Variants in RBFOX1 observed in about 807,000 individuals in gnomAD.
RBFOX1 encodes the protein RNA binding fox-1 homolog 1.
RBFOX1 carries 8 observed loss-of-function variants against 57.7 expected under a neutral mutation model. The ratio of observed to expected loss-of-function variants is 0.14; its 90% CI spans 0.08 to 0.25. RBFOX1 has a LOEUF of 0.25. Among genes scored for constraint, RBFOX1 ranks in the 10% least tolerant of loss-of-function variants. The pLI is 1.00. For missense variants in RBFOX1, 611 were observed against 548.5 expected, an observed-to-expected ratio of 1.11 and a Z score of -1.14; for synonymous variants, 326 against 222.4, an observed-to-expected ratio of 1.47 and a Z score of -4.15.
At chr16:7,476,398 T>C (rs1282737061) in intron 4 of RBFOX1, among the ~76,000 whole-genome samples, 1 of 152,224 alleles carries the variant, frequency 6.6e-6, no homozygotes, top group African/African-American at 2.4e-5. Flanking sequence ...TGAGATGATA[T>C]CTATATAACA....
At chr16:5,421,654 C>G (rs1052715052) in intron 1 of RBFOX1, among the ~76,000 whole-genome samples, 1 of 152,204 alleles carries the variant, frequency 6.6e-6, no homozygotes, top group Non-Finnish European at 1.5e-5. Flanking sequence ...GCTCCAGAGC[C>G]AGGCTTATTT....
At chr16:6,931,472 C>A (rs138745010) in intron 3 of RBFOX1, among the ~76,000 whole-genome samples, 1 of 152,062 alleles carries the variant, frequency 6.6e-6, no homozygotes, top group African/African-American at 2.4e-5. Context: ...AGGGTATAAT[C>A]CCAGAAGTAG....
At chr16:5,928,176 C>T (rs1324111306) in intron 4 of RBFOX1, among the ~76,000 whole-genome samples, 2 of 152,074 alleles carry the variant, frequency 1.3e-5, no homozygotes, top group African/African-American at 4.8e-5. Context: ...TCACTGTAGC[C>T]TTGATCTCCT....
intron 4 of RBFOX1, among the ~76,000 whole-genome samples, chr16:7,356,873 C>T (rs1309414610): frequency 1.3e-5 from 2 of 152,138 alleles, no homozygotes; most frequent in Admixed American, 1.3e-4. Flanking sequence ...ATCTGGGTCA[C>T]AGCTTATAAC....
At chr16:6,183,267 T>G (rs1371608910) in intron 1 of RBFOX1, among the ~76,000 whole-genome samples, 2 of 151,592 alleles carry the variant, frequency 1.3e-5, no homozygotes, top group Non-Finnish European at 2.9e-5. Context: ...GATCAGGAGG[T>G]CAGGAGATCG....
intron 13 of RBFOX1, among the ~76,000 whole-genome samples, chr16:7,671,333 A>C (rs766406277): frequency 3.2e-4 from 48 of 152,164 alleles, no homozygotes; most frequent in Admixed American, 8.5e-4. Context: ...AAGTGGTTTG[A>C]TCCCCATCTC....
At chr16:7,096,124 C>T (rs1406486167) in intron 4 of RBFOX1, among the ~76,000 whole-genome samples, 2 of 152,066 alleles carry the variant, frequency 1.3e-5, no homozygotes, top group African/African-American at 2.4e-5. Context: ...GATATGATCC[C>T]AATCTTCATA....
chr16:5,327,685 G>A (rs1252388309), intron 1 of RBFOX1, among the ~76,000 whole-genome samples: 1 of 152,276 alleles, frequency 6.6e-6, no homozygotes, highest in East Asian at 1.9e-4. Context: ...GAATGTAGCA[G>A]CATCCCCCTC....
chr16:5,263,500 T>G (rs185925460), intron 1 of RBFOX1, among the ~76,000 whole-genome samples: 2 of 152,232 alleles, frequency 1.3e-5, no homozygotes, highest in African/African-American at 4.8e-5. Context: ...TTAAGTATGA[T>G]TATGTGTTAA....
intron 3 of RBFOX1, among the ~76,000 whole-genome samples, chr16:5,690,488 G>A (rs145911639): frequency 2.6e-5 from 4 of 152,186 alleles, no homozygotes; most frequent in Non-Finnish European, 5.9e-5. Flanking sequence ...TGCCCGTAAC[G>A]CTCTTGGCAT....
intron 3 of RBFOX1, among the ~76,000 whole-genome samples, chr16:6,931,295 GTCTA>G (rs1161231181): frequency 0.049 from 6,649 of 136,156 alleles, 191 homozygotes; most frequent in African/African-American, 0.071. Flanking sequence ...CTGTCTGTCT[GTCTA>G]TCTATCTATC....
At chr16:5,757,234 T>C (rs1419891847) in intron 3 of RBFOX1, among the ~76,000 whole-genome samples, 1 of 147,962 alleles carries the variant, frequency 6.8e-6, no homozygotes, top group African/African-American at 2.5e-5. Context: ...TTTTTGTGTT[T>C]TTTTTTTTTT....
At chr16:6,250,642 T>G (rs1173802150) in intron 1 of RBFOX1, among the ~76,000 whole-genome samples, 1 of 152,282 alleles carries the variant, frequency 6.6e-6, no homozygotes, top group East Asian at 1.9e-4. Flanking sequence ...GGGTCATCCC[T>G]GTTTAGATTG....
chr16:6,579,878 C>G (rs879762578), intron 2 of RBFOX1, among the ~76,000 whole-genome samples: 2 of 152,140 alleles, frequency 1.3e-5, no homozygotes, highest in Non-Finnish European at 2.9e-5. Flanking sequence ...GAGCCACTGC[C>G]GCCAGCCTTC....
At chr16:6,324,791 T>C (rs2082190372) in intron 2 of RBFOX1, among the ~76,000 whole-genome samples, 1 of 152,070 alleles carries the variant, frequency 6.6e-6, no homozygotes, top group African/African-American at 2.4e-5. Context: ...GCAAATGAGA[T>C]ATAGAAACTA....
chr16:6,419,094 A>G (rs2093704844), intron 2 of RBFOX1, among the ~76,000 whole-genome samples: 1 of 152,216 alleles, frequency 6.6e-6, no homozygotes, highest in Admixed American at 6.5e-5. Flanking sequence ...TGACTCAGTC[A>G]TTATTCTACA....
At chr16:5,379,921 C>T (rs933673043) in intron 1 of RBFOX1, among the ~76,000 whole-genome samples, 3 of 152,184 alleles carry the variant, frequency 2.0e-5, no homozygotes, top group Non-Finnish European at 4.4e-5. Context: ...GGCCCCCTTG[C>T]TGGAGAGAAG....
chr16:5,350,682 A>G (rs149535105), intron 1 of RBFOX1, among the ~76,000 whole-genome samples: 108 of 152,278 alleles, frequency 7.1e-4, no homozygotes, highest in African/African-American at 2.6e-3. Context: ...CCTGGCCAAC[A>G]TGGTGAAACC....
At chr16:5,930,776 GGGTGGGTGGGAGGGCGGGTATGTT>G (rs2152246894) in intron 4 of RBFOX1, among the ~76,000 whole-genome samples, 1 of 134,652 alleles carries the variant, frequency 7.4e-6, no homozygotes, top group Admixed American at 7.4e-5. Flanking sequence ...ATGCATGGTT[GGGTGGGTGGGAGGGCGGGTATGTT>G]GGTGGGTGGG....
Sources: gnomAD v4.1 joint callset for allele counts (sites outside exome capture counted in the v4.1 genomes callset) on GRCh38, gnomAD v4.1.1 for gene constraint, MANE v1.5 for transcripts, NCBI Gene and HGNC (gene_info 2026-07-23, HGNC 2026-07-21) for gene names.